The following FGF14 variants were observed in gnomAD, a reference collection of about 807,000 sequenced individuals.
FGF14 encodes fibroblast growth factor homologous factor 4.
FGF14 carries 5 observed loss-of-function variants against 25.5 expected under a neutral mutation model. The ratio of observed to expected loss-of-function variants is 0.20; its 90% CI spans 0.10 to 0.41. The LOEUF (loss-of-function observed/expected upper bound fraction) is 0.41, where lower values mean the gene tolerates loss of function less well. Among genes scored for constraint, FGF14 ranks in the 10% least tolerant of loss-of-function variants. The pLI, the probability that FGF14 is intolerant of heterozygous loss-of-function variation, is 1.00. For missense variants in FGF14, 222 were observed against 320.1 expected, an observed-to-expected ratio of 0.69 and a Z score of 2.34; for synonymous variants, 138 against 118.3, an observed-to-expected ratio of 1.17 and a Z score of -1.08.
chr13:102,270,140 A>G (rs562452929), intron 1 of FGF14, among the ~76,000 whole-genome samples: 9 of 152,286 alleles, frequency 5.9e-5, no homozygotes, highest in East Asian at 1.9e-4. Flanking sequence ...AAAGTATTAC[A>G]TGCTGCTTCA....
chr13:102,196,852 T>C (rs1175102652), intron 1 of FGF14, among the ~76,000 whole-genome samples: 1 of 152,168 alleles, frequency 6.6e-6, no homozygotes, highest in African/African-American at 2.4e-5. Context: ...CATCCCCCTT[T>C]GTCAGGCCCT....
chr13:102,306,702 A>G (rs755654234), intron 1 of FGF14, among the ~76,000 whole-genome samples: 21 of 152,228 alleles, frequency 1.4e-4, no homozygotes, highest in Non-Finnish European at 2.4e-4. Flanking sequence ...ATGAAGAAAG[A>G]AATTAGCATA....
At chr13:102,350,486 C>T (rs1205906455) in intron 1 of FGF14, among the ~76,000 whole-genome samples, 1 of 152,158 alleles carries the variant, frequency 6.6e-6, no homozygotes, top group East Asian at 1.9e-4. Context: ...CCTTGTTATA[C>T]TTCCTGCCCA....
At chr13:102,183,534 A>C (rs2048759942) in intron 1 of FGF14, among the ~76,000 whole-genome samples, 1 of 152,200 alleles carries the variant, frequency 6.6e-6, no homozygotes, top group Non-Finnish European at 1.5e-5. Context: ...AATAACAAAT[A>C]GTTGTCAAGT....
At chr13:102,303,578 T>G (rs2055197987) in intron 1 of FGF14, among the ~76,000 whole-genome samples, 1 of 152,188 alleles carries the variant, frequency 6.6e-6, no homozygotes, top group South Asian at 2.1e-4. Context: ...ATTCAGTATT[T>G]TGCAGGTACT....
At chr13:101,829,093 G>A (rs913775102) in intron 3 of FGF14, among the ~76,000 whole-genome samples, 9 of 152,026 alleles carry the variant, frequency 5.9e-5, no homozygotes, top group African/African-American at 1.9e-4. Context: ...TCTAATTGCA[G>A]GTAAGCACTG....
At chr13:101,799,922 T>C (rs1023605356) in intron 3 of FGF14, among the ~76,000 whole-genome samples, 1 of 152,268 alleles carries the variant, frequency 6.6e-6, no homozygotes. Context: ...ATAACATGTA[T>C]AGAAGATTGT....
At chr13:102,019,530 T>C (rs923846609) in intron 1 of FGF14, among the ~76,000 whole-genome samples, 1 of 152,248 alleles carries the variant, frequency 6.6e-6, no homozygotes, top group African/African-American at 2.4e-5. Context: ...ACCTCTCCCT[T>C]GGAGAAGTAA....
intron 1 of FGF14, among the ~76,000 whole-genome samples, chr13:102,363,429 G>A (rs1033367441): frequency 6.6e-6 from 1 of 152,176 alleles, no homozygotes; most frequent in Non-Finnish European, 1.5e-5. Context: ...TGGGAAATCA[G>A]AAATAGGACT....
chr13:102,203,322 C>T (rs1049672188), intron 1 of FGF14, among the ~76,000 whole-genome samples: 2 of 152,110 alleles, frequency 1.3e-5, no homozygotes, highest in Admixed American at 6.5e-5. Flanking sequence ...TCTTGAACTA[C>T]GTGATGTATG....
intron 1 of FGF14, among the ~76,000 whole-genome samples, chr13:101,922,418 GACTGTTTCCATTTGAATCAAA>G (rs2034066609): frequency 6.6e-6 from 1 of 152,112 alleles, no homozygotes; most frequent in Admixed American, 6.5e-5. Flanking sequence ...AAGGATGTGA[GACTGTTTCCATTTGAATCAAA>G]AAGGACTTCT....
rs886074665 is a variant in FGF14 at position 102,237,188 on chromosome 13, C to T, written c.208+164283G>A. On this transcript the variant is annotated intron_variant, in intron 1 of 4. Coordinates refer to the FGF14 transcript ENST00000376131. ...AGAGCGTTATCTCAACACTCCCACT[C>T]ACCTGAGACCTTCCCACACACATTT... Among the ~76,000 whole-genome samples the T allele has an allele frequency of 8.5e-5, 13 of 152,354 alleles. 1 individual carries two copies. Among genetic ancestry groups the T allele is most frequent in the South Asian group, 4.1e-4 (2 of 4,830 alleles).
chr13:102,161,272 A>G (rs1246866409), intron 1 of FGF14, among the ~76,000 whole-genome samples: 2 of 151,886 alleles, frequency 1.3e-5, no homozygotes, highest in Admixed American at 1.3e-4. Flanking sequence ...GGTTGTCAGA[A>G]TTTCAGGTCC....
At chr13:101,965,424 A>G (rs1363546028) in intron 1 of FGF14, among the ~76,000 whole-genome samples, 1 of 152,180 alleles carries the variant, frequency 6.6e-6, no homozygotes, top group African/African-American at 2.4e-5. Context: ...ATGATGAAAA[A>G]TTTAAATGTT....
chr13:102,133,972 G>C (rs2046306829), intron 1 of FGF14, among the ~76,000 whole-genome samples: 1 of 152,116 alleles, frequency 6.6e-6, no homozygotes. Context: ...GCAAATATCT[G>C]AACACACCAA....
intron 1 of FGF14, among the ~76,000 whole-genome samples, chr13:102,352,510 C>CT (rs2057312425): frequency 1.3e-5 from 2 of 152,110 alleles, no homozygotes. Context: ...ACTAGGGATT[C>CT]TTTTAAGATG....
chr13:101,734,622 C>A (rs2036046901), intron 3 of FGF14, among the ~76,000 whole-genome samples: 1 of 152,064 alleles, frequency 6.6e-6, no homozygotes, highest in Admixed American at 6.6e-5. Flanking sequence ...AACTGTGTTG[C>A]CTCAATATTA....
chr13:102,123,010 C>A (rs769254576), intron 1 of FGF14, among the ~76,000 whole-genome samples: 5 of 152,052 alleles, frequency 3.3e-5, no homozygotes, highest in Non-Finnish European at 5.9e-5. Flanking sequence ...CCAGACACAT[C>A]GAGCAATCAG....
At chr13:101,904,887 G>C (rs2032040356) in intron 1 of FGF14, among the ~76,000 whole-genome samples, 2 of 152,184 alleles carry the variant, frequency 1.3e-5, no homozygotes, top group African/African-American at 4.8e-5. Flanking sequence ...TGAAACTTTA[G>C]CAACTTTTGC....
Sources: gnomAD v4.1 joint callset for allele counts (sites outside exome capture counted in the v4.1 genomes callset) on GRCh38, gnomAD v4.1.1 for gene constraint, MANE v1.5 for transcripts, NCBI Gene and HGNC (gene_info 2026-07-23, HGNC 2026-07-21) for gene names.